POLDIP3: variants seen among roughly 807,000 people sequenced by gnomAD.
POLDIP3 encodes the protein DNA polymerase delta interacting protein 3.
Under a neutral mutation model 45.1 loss-of-function variants are expected in POLDIP3, and 14 were observed. That is an observed-to-expected ratio of 0.31 (90% CI 0.20 to 0.49). The LOEUF is 0.49. POLDIP3 is among the 20% of genes least tolerant of loss of function. POLDIP3 has a pLI of 0.99. For synonymous variants in POLDIP3, 223 were observed against 205.2 expected (o/e 1.09, Z -0.74); for missense variants, 511 against 538.8 (o/e 0.95, Z 0.51).
At chr22:42,587,477 C>T (rs374735813) in intron 8 of POLDIP3, 29 bp downstream of exon 8, 3 of 1,596,788 alleles carry the variant, frequency 1.9e-6, no homozygotes, top group Non-Finnish European at 2.6e-6. Flanking sequence ...GGAGCTGCCT[C>T]TCCCCAGCAC....
At chr22:42,587,886 T>C (rs1280073417) in intron 7 of POLDIP3, among the ~76,000 whole-genome samples, 1 of 152,150 alleles carries the variant, frequency 6.6e-6, no homozygotes, top group Admixed American at 6.5e-5. Flanking sequence ...AGGGAAAAGG[T>C]TTATGCTATC....
In POLDIP3 at chr22:42,585,839, T is replaced by C. The variant is rs1318945524; in HGVS notation, c.1218A>G (p.Ser406=). Residue 406 remains serine (S), a synonymous_variant, in exon 9 of 9, where the codon TCA becomes TCG. Coordinates refer to ENST00000252115, the MANE Select transcript of POLDIP3 (RefSeq NM_032311.5). The stretch of plus-strand genomic sequence containing the variant: ...TGGGCTGCGTGGTCACAGAGGCCCC[T>C]GAGGACTTGAAGAGTGCCTTCAGGA... ...DTILKALFKS[S]GASVTTQPTE... 3.1e-6 allele frequency: 5 copies of C among 1,612,966 alleles called. No individual in the cohort carries two copies. The highest frequency in any genetic ancestry group is 2.7e-5 in the African/African-American group (2 of 74,874).
Position 42,614,796 on chromosome 22 carries a change from C to T in POLDIP3, c.59+3G>A, listed in dbSNP as rs1015487121. On this transcript the variant is annotated splice_donor_region_variant and intron_variant, in intron 1 of 8. Transcript: ENST00000252115. ...AACCCCGAAGAAAGGAAAGGCCTCT[C>T]ACCGTCCTTTCGCCGCCGCCCCGCG... 2.5e-6 allele frequency: 4 copies of T among 1,614,020 alleles called. No homozygotes were observed. The Admixed American group carries it at 5.0e-5, about 20-fold the overall frequency.
At chr22:42,601,866 C>T (rs1035613026) in intron 3 of POLDIP3, 104 bp downstream of exon 3, 1 of 1,368,234 alleles carries the variant, frequency 7.3e-7, no homozygotes, top group Non-Finnish European at 1.0e-6. Flanking sequence ...ACTGAGCAAG[C>T]CTCAGTCCAT....
intron 4 of POLDIP3, among the ~76,000 whole-genome samples, chr22:42,599,136 T>C (rs538400777): frequency 1.3e-5 from 2 of 152,338 alleles, no homozygotes; most frequent in Admixed American, 6.5e-5. Context: ...ACACTTTCCC[T>C]ATAGTGTCTC....
chr22:42,614,790 G>C lies in POLDIP3; in HGVS notation c.59+9C>G. The C allele has an allele frequency of 6.2e-7, 1 of 1,613,954 alleles. No homozygotes were observed. Among genetic ancestry groups the C allele is most frequent in the African/African-American group, 1.3e-5 (1 of 75,042 alleles). Reference sequence around the variant, plus strand: ...ACCCTAAACCCCGAAGAAAGGAAAGGCCTCTCACCGTCCTTTCGCCGCCGC... The same window carrying C: ...ACCCTAAACCCCGAAGAAAGGAAAGCCCTCTCACCGTCCTTTCGCCGCCGC... On this transcript the variant is annotated intron_variant, in intron 1 of 8. Transcript: ENST00000252115.
At chr22:42,606,992 C>CAGT (rs1171261628) in intron 1 of POLDIP3, among the ~76,000 whole-genome samples, 2 of 152,238 alleles carry the variant, frequency 1.3e-5, no homozygotes, top group Admixed American at 1.3e-4. Context: ...ACACCAGGAG[C>CAGT]AGTAGCTCAT....
rs1052290413 is a variant in POLDIP3 at position 42,583,883 on chromosome 22, G to C, written c.*1908C>G. The stretch of plus-strand genomic sequence containing the variant: ...GACTAGCCCACCACCTTCTCCTCCC[G>C]GTCTCCCAAGATGACTGCTTATAGA... On this transcript the variant is annotated 3_prime_UTR_variant, in exon 9 of 9. Coordinates refer to ENST00000252115, the MANE Select transcript of POLDIP3 (RefSeq NM_032311.5). 3.3e-5 allele frequency: 5 copies of C among 152,390 alleles called. No individual in the cohort carries two copies. The Admixed American group carries it at 3.3e-4, about 10-fold the overall frequency. The allele number at this position is 152,390 out of a possible 1,614,324, so 9.4% of individuals were successfully genotyped here. A position where few individuals can be genotyped will look rare whatever the true frequency, so the allele number is the denominator to read the frequency against.
chr22:42,589,194 G>C (rs904161413), intron 7 of POLDIP3, among the ~76,000 whole-genome samples: 2 of 148,304 alleles, frequency 1.3e-5, no homozygotes, highest in Non-Finnish European at 3.0e-5. Flanking sequence ...AGTGAGCCAA[G>C]ATCATGCCAC....
chr22:42,597,300 G>A (rs1005844878), intron 4 of POLDIP3, among the ~76,000 whole-genome samples: 2 of 152,256 alleles, frequency 1.3e-5, no homozygotes, highest in Non-Finnish European at 2.9e-5. Context: ...GGAGAAAGGA[G>A]GAACGCAGCG....
chr22:42,605,193 T>A (rs1381308581), intron 1 of POLDIP3, among the ~76,000 whole-genome samples: 1 of 152,232 alleles, frequency 6.6e-6, no homozygotes. Context: ...AGTGGCGCAA[T>A]CTTGGCTCAC....
chr22:42,595,469 G>A, intron 6 of POLDIP3, 68 bp downstream of exon 6: 1 of 1,385,684 alleles, frequency 7.2e-7, no homozygotes, highest in Non-Finnish European at 1.0e-6. Flanking sequence ...ACCTGAGGGT[G>A]GGTCTTAAGA....
chr22:42,603,496 C>T (rs1261786438), intron 1 of POLDIP3: 1 of 257,050 alleles, frequency 3.9e-6, no homozygotes, highest in East Asian at 1.0e-4. Flanking sequence ...AAACATCCAC[C>T]AAATCTAATC....
chr22:42,586,100 T>G (rs1032189966), intron 8 of POLDIP3, 132 bp from the exon 9 acceptor site: 5 of 793,604 alleles, frequency 6.3e-6, no homozygotes, highest in Non-Finnish European at 9.6e-6. Flanking sequence ...TTCATCTCAT[T>G]CCACCTCGCA....
At chr22:42,610,347 A>G (rs1340648137) in intron 1 of POLDIP3, among the ~76,000 whole-genome samples, 1 of 152,114 alleles carries the variant, frequency 6.6e-6, no homozygotes, top group African/African-American at 2.4e-5. Context: ...AGCAGTCAGT[A>G]CCAGGACCAG....
chr22:42,587,676 C>G, intron 7 of POLDIP3, 104 bp from the exon 8 acceptor site: 2 of 1,040,498 alleles, frequency 1.9e-6, no homozygotes, highest in Non-Finnish European at 3.0e-6. Context: ...GCACCCACCA[C>G]TGGCAGTTCT....
intron 8 of POLDIP3, among the ~76,000 whole-genome samples, chr22:42,586,817 T>G (rs533731037): frequency 2.6e-5 from 4 of 152,274 alleles, no homozygotes; most frequent in African/African-American, 9.6e-5. Flanking sequence ...TGCTTCCTTA[T>G]CTAGAAGGTG....
At position 42,592,212 on chromosome 22, in the gene POLDIP3, G is replaced by T; in HGVS notation, c.892-128C>A. 6 of 1,371,626 alleles carry T rather than the reference G, an allele frequency of 4.4e-6. No homozygotes were observed. The South Asian group carries it at 8.0e-5, about 18-fold the overall frequency. The allele number at this position is 1,371,626 out of a possible 1,614,324, so 85.0% of individuals were successfully genotyped here. Reference sequence around the variant, plus strand: ...TGCGCCCTGCGCCTGAGACTGCGGGGAGGCTCCACGCGAGGTGGTGCTCTG... The same window carrying T: ...TGCGCCCTGCGCCTGAGACTGCGGGTAGGCTCCACGCGAGGTGGTGCTCTG... On this transcript the variant is annotated intron_variant, in intron 6 of 8. Transcript: ENST00000252115.
intron 4 of POLDIP3, among the ~76,000 whole-genome samples, 167 bp from the exon 5 acceptor site, chr22:42,596,532 C>T (rs1188125013): frequency 6.6e-6 from 1 of 152,108 alleles, no homozygotes; most frequent in African/African-American, 2.4e-5. Context: ...AGTGACATCC[C>T]ATAGGGAAGG....
Sources: gnomAD v4.1 joint callset for allele counts (sites outside exome capture counted in the v4.1 genomes callset) on GRCh38, gnomAD v4.1.1 for gene constraint, MANE v1.5 for transcripts, NCBI Gene and HGNC (gene_info 2026-07-23, HGNC 2026-07-21) for gene names.